Variants in ZNF148 observed in about 807,000 individuals in gnomAD.
ZNF148 encodes zinc finger protein 148.
ZNF148 carries 7 observed loss-of-function variants against 67.7 expected under a neutral mutation model. That is an observed-to-expected ratio of 0.10 (90% CI 0.06 to 0.19). ZNF148 has a LOEUF of 0.19. ZNF148 is among the 10% of genes least tolerant of loss of function. ZNF148 has a pLI of 1.00. For synonymous variants in ZNF148, 333 were observed against 330.7 expected (o/e 1.01, Z -0.08); for missense variants, 583 against 947.1 (o/e 0.62, Z 5.05).
chr3:125,229,648 T>C lies in ZNF148; in HGVS notation c.*2693A>G, dbSNP rs1267236658. 2 of 152,160 alleles carry C rather than the reference T, an allele frequency of 1.3e-5. No homozygotes were observed. Among genetic ancestry groups the C allele is most frequent in the Non-Finnish European group, 2.9e-5 (2 of 68,018 alleles). 9.4% of individuals were successfully genotyped at this position (152,160 alleles called of 1,614,324 possible). ...CAGATTGATCAAAAGTTTAAGGGTG[T>C]ACCAGCATGTTTTTATAGAACAATG... On this transcript the variant is annotated 3_prime_UTR_variant, in exon 9 of 9. Coordinates refer to ENST00000360647, the MANE Select transcript of ZNF148 (RefSeq NM_021964.3).
chr3:125,290,396 C>G (rs1938945732), intron 4 of ZNF148, among the ~76,000 whole-genome samples: 1 of 152,090 alleles, frequency 6.6e-6, no homozygotes, highest in African/African-American at 2.4e-5. Context: ...AGAGTCCTCC[C>G]TATACTGAAA....
Position 125,233,727 on chromosome 3 carries a change from C to G in ZNF148, c.999G>C (p.Leu333Phe), listed in dbSNP as rs1336029268. 14 of 1,613,716 alleles carry G rather than the reference C, an allele frequency of 8.7e-6. No homozygotes were observed. Among genetic ancestry groups the G allele is most frequent in the Non-Finnish European group, 1.2e-5 (14 of 1,179,830 alleles). Residue 333 changes from leucine to phenylalanine, a missense_variant, in exon 9 of 9, where the codon TTG (leucine) becomes TTC (phenylalanine). Leu to Phe is a conservative substitution (Grantham distance 22). Around this residue, in one of 5 missense-constraint regions of ZNF148, gnomAD observed 78 missense variants for 86.5 expected, o/e 0.90. Coordinates refer to ENST00000360647, the MANE Select transcript of ZNF148 (RefSeq NM_021964.3). The surrounding 1 kb of genome is among the most constrained non-coding windows in gnomAD (Gnocchi z 5.1). ...TGTCTTTTTTCAGGTCAGATTTGTC[C>G]AAAGCACTCTCTTTGTCCATTCCAG... ...KSSGMDKESALDKSDLKKDKN... is the reference protein window; with the variant it reads ...KSSGMDKESAFDKSDLKKDKN...
intron 7 of ZNF148, among the ~76,000 whole-genome samples, chr3:125,244,859 G>T (rs879799597): frequency 6.6e-6 from 1 of 151,792 alleles, no homozygotes; most frequent in African/African-American, 2.4e-5. Context: ...TCTTTTTCTT[G>T]AAACTCACTT....
At position 125,257,171 on chromosome 3, in the gene ZNF148, C is replaced by T. The variant is rs188747458; in HGVS notation, c.667+20555G>A. ...TCTCTTGGCTTTCTGTCATTCTGTT[C>T]TGTCACTTAGCATGGACTGTAACTT... On this transcript the variant is annotated intron_variant, in intron 7 of 8. Transcript: ENST00000360647. Among the ~76,000 whole-genome samples, 276 of 152,198 alleles carry T rather than the reference C, an allele frequency of 1.8e-3. 1 individual carries two copies. The highest frequency in any genetic ancestry group is 6.3e-3 in the African/African-American group (263 of 41,540).
At chr3:125,293,182 T>A (rs749613059) in intron 4 of ZNF148, among the ~76,000 whole-genome samples, 5 of 152,196 alleles carry the variant, frequency 3.3e-5, no homozygotes, top group Non-Finnish European at 4.4e-5. Context: ...GAGTCCTCAG[T>A]ATTTTTTAAG....
At chr3:125,339,501 C>T (rs554005268) in intron 1 of ZNF148, among the ~76,000 whole-genome samples, 84 of 152,172 alleles carry the variant, frequency 5.5e-4, no homozygotes, top group South Asian at 5.2e-3. Context: ...TATGTGTAGA[C>T]GCACAGTAAA....
intron 2 of ZNF148, among the ~76,000 whole-genome samples, chr3:125,324,744 A>G (rs1248321178): frequency 3.9e-5 from 6 of 152,238 alleles, no homozygotes; most frequent in East Asian, 1.9e-4. Context: ...ACCTACATCC[A>G]TATCACTAAT....
intron 1 of ZNF148, among the ~76,000 whole-genome samples, chr3:125,355,796 A>G (rs1418860027): frequency 6.6e-6 from 1 of 152,074 alleles, no homozygotes; most frequent in East Asian, 1.9e-4. Context: ...TAATGAAAAC[A>G]TTAATTAAAT....
intron 1 of ZNF148, among the ~76,000 whole-genome samples, chr3:125,350,163 TTTG>T (rs1942088924): frequency 6.6e-6 from 1 of 151,216 alleles, no homozygotes; most frequent in Admixed American, 6.6e-5. Flanking sequence ...GGGTTTTGGT[TTTG>T]TTTTGTTTTT....
At chr3:125,306,734 T>TGTATA (rs1264719311) in intron 4 of ZNF148, among the ~76,000 whole-genome samples, 1 of 151,994 alleles carries the variant, frequency 6.6e-6, no homozygotes, top group Non-Finnish European at 1.5e-5. Flanking sequence ...ATGACATGTG[T>TGTATA]GTATAGTCCC....
At chr3:125,242,098 T>C (rs1560108116) in intron 7 of ZNF148, among the ~76,000 whole-genome samples, 1 of 152,226 alleles carries the variant, frequency 6.6e-6, no homozygotes, top group Non-Finnish European at 1.5e-5. Context: ...GTTGGTCTTT[T>C]GTCTATAATG....
intron 5 of ZNF148, among the ~76,000 whole-genome samples, chr3:125,284,389 T>C (rs1938547696): frequency 6.6e-6 from 1 of 152,116 alleles, no homozygotes; most frequent in Admixed American, 6.6e-5. Context: ...AGGAAAGTGA[T>C]GTTAAGTGGC....
At chr3:125,311,465 A>T (rs1940207712) in intron 4 of ZNF148, 1 of 152,156 alleles carries the variant, frequency 6.6e-6, no homozygotes, top group Non-Finnish European at 1.5e-5. Flanking sequence ...TACCTTCTAA[A>T]AGTACTGCAT....
intron 1 of ZNF148, among the ~76,000 whole-genome samples, chr3:125,355,412 C>A (rs993356615): frequency 6.6e-6 from 1 of 152,042 alleles, no homozygotes; most frequent in African/African-American, 2.4e-5. Flanking sequence ...CCAGTGGAAC[C>A]CCCTCAGCGT....
At chr3:125,316,204 T>C (rs1177603454) in intron 3 of ZNF148, among the ~76,000 whole-genome samples, 1 of 152,232 alleles carries the variant, frequency 6.6e-6, no homozygotes, top group Non-Finnish European at 1.5e-5. Flanking sequence ...GGCTGAATAC[T>C]ACTCCATTGT....
intron 5 of ZNF148, among the ~76,000 whole-genome samples, chr3:125,282,106 T>C (rs1938421772): frequency 6.6e-6 from 1 of 152,186 alleles, no homozygotes; most frequent in Non-Finnish European, 1.5e-5. Flanking sequence ...ACTTTACTTT[T>C]CAATTTTTTA....
At chr3:125,276,511 G>A (rs1012698621) in intron 7 of ZNF148, among the ~76,000 whole-genome samples, 2 of 151,806 alleles carry the variant, frequency 1.3e-5, no homozygotes, top group Non-Finnish European at 2.9e-5. Flanking sequence ...TCGACTCACC[G>A]CAACCTCCGC....
chr3:125,329,578 G>A (rs919138436), intron 2 of ZNF148, among the ~76,000 whole-genome samples: 1 of 151,494 alleles, frequency 6.6e-6, no homozygotes, highest in East Asian at 1.9e-4. Flanking sequence ...AGCTAGTCTC[G>A]AACTCCTGAC....
chr3:125,316,002 C>T (rs56187117), intron 3 of ZNF148, among the ~76,000 whole-genome samples: 14,437 of 152,160 alleles, frequency 0.095, 848 homozygotes, highest in Middle Eastern at 0.14. Flanking sequence ...TCCCCACCTT[C>T]CCCTTCTCAG....
Sources: gnomAD v4.1 joint callset for allele counts (sites outside exome capture counted in the v4.1 genomes callset) on GRCh38, gnomAD v4.1.1 for gene constraint, gnomAD v4.1.1 regional missense constraint, Gnocchi (gnomAD v3.1) non-coding constraint, MANE v1.5 for transcripts, NCBI Gene and HGNC (gene_info 2026-07-23, HGNC 2026-07-21) for gene names.